VPS13A: variants seen among roughly 807,000 people sequenced by gnomAD.
VPS13A encodes vacuolar protein sorting 13 homolog A.
In VPS13A, 264 loss-of-function variants were observed where a neutral mutation model predicts 390.9. The observed-to-expected ratio is 0.68, with a 90% confidence interval of 0.61 to 0.75. VPS13A has a LOEUF of 0.75. VPS13A is among the 30% of genes least tolerant of loss of function. The pLI, the probability that VPS13A is intolerant of heterozygous loss-of-function variation, is 0.00. For synonymous variants in VPS13A, 1,231 were observed against 1,227.1 expected, an observed-to-expected ratio of 1.00 and a Z score of -0.07; for missense variants, 3,409 against 3,733.9, an observed-to-expected ratio of 0.91 and a Z score of 2.27.
intron 19 of VPS13A, among the ~76,000 whole-genome samples, chr9:77,244,394 TTG>T (rs1242931940): frequency 1.3e-5 from 2 of 152,074 alleles, no homozygotes; most frequent in African/African-American, 4.8e-5. Context: ...AAAGCCATTC[TTG>T]TGTCTTTCTG....
In VPS13A at chr9:77,419,575, T is replaced by C. The variant is rs1835282949; in HGVS notation, c.*3569T>C. 1.3e-5 allele frequency: 2 copies of C among 152,158 alleles called. No homozygotes were observed. Among genetic ancestry groups the C allele is most frequent in the Non-Finnish European group, 2.9e-5 (2 of 68,026 alleles). 9.4% of individuals were successfully genotyped at this position (152,158 alleles called of 1,614,324 possible). A position where few individuals can be genotyped will look rare whatever the true frequency, so the allele number is the denominator to read the frequency against. ...GCACTTCTTCTTTTGAGTGAGAAGA[T>C]GGAATCACTCTTGGTTTCTAAAATA... is the stretch of plus-strand genomic sequence containing the variant. On this transcript the variant is annotated 3_prime_UTR_variant, in exon 72 of 72. Transcript: ENST00000360280.
At chr9:77,185,615 TATC>T (rs890439509) in intron 1 of VPS13A, among the ~76,000 whole-genome samples, 3 of 152,202 alleles carry the variant, frequency 2.0e-5, no homozygotes, top group South Asian at 2.1e-4. Context: ...GACAGTGTCT[TATC>T]ATATTTATAG....
intron 52 of VPS13A, among the ~76,000 whole-genome samples, chr9:77,347,087 G>A (rs1776255007): frequency 1.3e-5 from 2 of 152,130 alleles, no homozygotes; most frequent in Non-Finnish European, 1.5e-5. Context: ...GTGACTATAG[G>A]CATTGTAGTA....
intron 42 of VPS13A, among the ~76,000 whole-genome samples, chr9:77,320,331 A>G (rs1341903548): frequency 6.6e-6 from 1 of 152,148 alleles, no homozygotes; most frequent in Non-Finnish European, 1.5e-5. Context: ...GTTGTTGTCT[A>G]TCCTGAGTTT....
At chr9:77,218,479 A>G (rs1822990853) in intron 10 of VPS13A, among the ~76,000 whole-genome samples, 1 of 152,204 alleles carries the variant, frequency 6.6e-6, no homozygotes, top group Non-Finnish European at 1.5e-5. Context: ...TAAACTCTGG[A>G]TATTAGTCCC....
Position 77,291,437 on chromosome 9 carries a change from G to A in VPS13A, c.3340-1904G>A, listed in dbSNP as rs116026816. On this transcript the variant is annotated intron_variant, in intron 31 of 71. Transcript: ENST00000360280. The stretch of plus-strand genomic sequence containing the variant: ...TATCATAGTATTTATGTCTGGAAAC[G>A]GGGATGCCTCTTTTCTGCTAAGCTA... Among the ~76,000 whole-genome samples, 881 of 152,226 alleles carry A rather than the reference G, an allele frequency of 5.8e-3. 12 individuals carry two copies. The highest frequency in any genetic ancestry group is 0.02 in the African/African-American group (848 of 41,524).
intron 50 of VPS13A, among the ~76,000 whole-genome samples, chr9:77,343,663 T>G (rs144504839): frequency 1.3e-5 from 2 of 152,356 alleles, no homozygotes; most frequent in African/African-American, 2.4e-5. Context: ...ACTCTGAACT[T>G]TGAATACTAC....
At chr9:77,356,502 A>G (rs569315258) in intron 54 of VPS13A, among the ~76,000 whole-genome samples, 2 of 152,214 alleles carry the variant, frequency 1.3e-5, no homozygotes, top group Non-Finnish European at 2.9e-5. Flanking sequence ...ATGTTCACTG[A>G]TAACGGCTGT....
At chr9:77,375,293 A>G (rs568854415) in intron 67 of VPS13A, among the ~76,000 whole-genome samples, 1 of 152,324 alleles carries the variant, frequency 6.6e-6, no homozygotes, top group African/African-American at 2.4e-5. Context: ...GTGAAAAAAG[A>G]CACTGAAAGT....
At chr9:77,198,952 C>T (rs751885967) in intron 1 of VPS13A, among the ~76,000 whole-genome samples, 5 of 152,162 alleles carry the variant, frequency 3.3e-5, no homozygotes, top group Non-Finnish European at 5.9e-5. Flanking sequence ...CGTGAACCAC[C>T]GCTCCCGGCT....
intron 35 of VPS13A, among the ~76,000 whole-genome samples, chr9:77,308,435 T>C (rs1828892032): frequency 6.6e-6 from 1 of 152,156 alleles, no homozygotes; most frequent in South Asian, 2.1e-4. Flanking sequence ...TCATTTTCCA[T>C]TTTTCTCCCT....
chr9:77,335,834 C>A (rs1459722341), intron 46 of VPS13A, among the ~76,000 whole-genome samples: 1 of 152,032 alleles, frequency 6.6e-6, no homozygotes, highest in Non-Finnish European at 1.5e-5. Context: ...ACCATTTGAC[C>A]CAGCAATCCC....
At position 77,208,449 on chromosome 9, in the gene VPS13A, T is replaced by G. The variant is rs1265163903; in HGVS notation, c.386-974T>G. ...GAATTAGAAATAAAGAATATAGCTT[T>G]CATTGGCATTTTTAAGGGGAGAAAA... On this transcript the variant is annotated intron_variant, in intron 5 of 71. Transcript: ENST00000360280. 2.0e-5 allele frequency among the ~76,000 whole-genome samples: 3 copies of G among 152,190 alleles called. No homozygotes were observed. In the East Asian group the frequency reaches 5.8e-4, roughly 29 times the overall value.
rs1241156811 is a variant in VPS13A at position 77,411,587 on chromosome 9, T to A, written c.9474+3980T>A. ...CTGAGGCAGGAGAATGGCATGAACC[T>A]GGGAGGCGGAGCTTGCAATCAGCCG... On this transcript the variant is annotated intron_variant, in intron 71 of 71. Transcript: ENST00000360280. Among the ~76,000 whole-genome samples the A allele has an allele frequency of 4.5e-5, 6 of 133,818 alleles. No individual in the cohort carries two copies. In the South Asian group the frequency reaches 1.5e-3, roughly 33 times the overall value. The allele number at this position is 133,818 out of a possible 152,430, so 87.8% of individuals were successfully genotyped here.
intron 26 of VPS13A, chr9:77,279,945 G>A (rs765699374): frequency 3.1e-5 from 13 of 413,368 alleles, no homozygotes; most frequent in Non-Finnish European, 3.1e-5. Flanking sequence ...CTTCAGTGTT[G>A]TGGCACATGA....
intron 52 of VPS13A, among the ~76,000 whole-genome samples, chr9:77,348,773 CA>C (rs1462024283): frequency 6.6e-6 from 1 of 152,142 alleles, no homozygotes; most frequent in East Asian, 1.9e-4. Flanking sequence ...CATGTACACA[CA>C]GATAGTGAAT....
At chr9:77,363,996 A>T (rs1443627321) in intron 59 of VPS13A, among the ~76,000 whole-genome samples, 2 of 152,058 alleles carry the variant, frequency 1.3e-5, no homozygotes, top group East Asian at 3.9e-4. Context: ...CAGTGGCCTG[A>T]GATGATCTCA....
intron 68 of VPS13A, among the ~76,000 whole-genome samples, chr9:77,392,723 C>G (rs1833947574): frequency 6.7e-6 from 1 of 149,870 alleles, no homozygotes; most frequent in South Asian, 2.1e-4. Flanking sequence ...ACTATATATA[C>G]ACTATATAAA....
chr9:77,344,386 C>T (rs1831027222), intron 51 of VPS13A, 105 bp downstream of exon 51: 1 of 1,252,754 alleles, frequency 8.0e-7, no homozygotes, highest in South Asian at 1.3e-5. Flanking sequence ...GTTGATTTTT[C>T]CCCTTTCCCC....
Sources: allele counts gnomAD v4.1 joint callset (sites outside exome capture counted in the v4.1 genomes callset), GRCh38; gene constraint gnomAD v4.1.1; transcripts MANE v1.5; gene names NCBI Gene and HGNC (gene_info 2026-07-23, HGNC 2026-07-21).